CALN1: variants seen among roughly 807,000 people sequenced by gnomAD.
CALN1 encodes the protein calcium-binding protein 8.
CALN1 carries 17 observed loss-of-function variants against 30.6 expected under a neutral mutation model. That is an observed-to-expected ratio of 0.56 (90% CI 0.38 to 0.83). The LOEUF (loss-of-function observed/expected upper bound fraction) is 0.83, where lower values mean the gene tolerates loss of function less well. Among genes scored for constraint, CALN1 ranks in the 40% least tolerant of loss-of-function variants. The pLI, the probability that CALN1 is intolerant of heterozygous loss-of-function variation, is 0.00. For synonymous variants in CALN1, 156 were observed against 131.4 expected (o/e 1.19, Z -1.28); for missense variants, 291 against 354.9 (o/e 0.82, Z 1.45).
At chr7:72,141,194 A>G (rs375902075) in intron 3 of CALN1, among the ~76,000 whole-genome samples, 6 of 152,266 alleles carry the variant, frequency 3.9e-5, no homozygotes, top group East Asian at 3.9e-4. Context: ...GAAATTTGGG[A>G]GGCTGAGGTG....
the CALN1 span, among the ~76,000 whole-genome samples, chr7:72,457,102 G>A: frequency 6.1e-5 from 9 of 147,422 alleles, no homozygotes; most frequent in Non-Finnish European, 1.0e-4. Flanking sequence ...TCCACCTCCC[G>A]GGTTCAAGCG....
intron 2 of CALN1, among the ~76,000 whole-genome samples, chr7:72,359,187 A>G (rs935647993): frequency 2.0e-5 from 3 of 152,138 alleles, no homozygotes; most frequent in Non-Finnish European, 4.4e-5. Flanking sequence ...GCTAATTAGC[A>G]TAACGCTCTA....
At chr7:72,370,656 CAA>C (rs374531193) in intron 2 of CALN1, among the ~76,000 whole-genome samples, 12 of 100,826 alleles carry the variant, frequency 1.2e-4, no homozygotes, top group Admixed American at 1.0e-4. Context: ...GACTCCGTCT[CAA>C]AAAAAAAAAA....
At chr7:72,106,975 G>GAGAA (rs895019069) in intron 3 of CALN1, among the ~76,000 whole-genome samples, 7 of 149,890 alleles carry the variant, frequency 4.7e-5, no homozygotes, top group African/African-American at 9.8e-5. Context: ...GGGAGAAAGA[G>GAGAA]AGAAAGAAAG....
At chr7:71,806,245 CGCAT>C (rs1787601806) in intron 6 of CALN1, among the ~76,000 whole-genome samples, 1 of 149,732 alleles carries the variant, frequency 6.7e-6, no homozygotes, top group African/African-American at 2.5e-5. Context: ...CACATGTGCA[CGCAT>C]GCACACACAC....
chr7:72,460,554 C>T, the CALN1 span, among the ~76,000 whole-genome samples: 1 of 152,088 alleles, frequency 6.6e-6, no homozygotes, highest in Non-Finnish European at 1.5e-5. Context: ...ATCACTTGAA[C>T]CCTGGAGGTG....
At chr7:72,247,541 C>A (rs1378957326) in intron 3 of CALN1, among the ~76,000 whole-genome samples, 1 of 152,044 alleles carries the variant, frequency 6.6e-6, no homozygotes, top group Admixed American at 6.6e-5. Flanking sequence ...AGGCATGAGC[C>A]ACCGTGCCCG....
chr7:72,454,154 A>G, the CALN1 span, among the ~76,000 whole-genome samples: 1 of 152,162 alleles, frequency 6.6e-6, no homozygotes, highest in African/African-American at 2.4e-5. Flanking sequence ...GTAGGTTGTT[A>G]GGGAATTGGA....
intron 2 of CALN1, among the ~76,000 whole-genome samples, chr7:72,281,481 ATCTT>A (rs1797730271): frequency 6.6e-6 from 1 of 152,192 alleles, no homozygotes; most frequent in Non-Finnish European, 1.5e-5. Flanking sequence ...ACCAGCTGTT[ATCTT>A]AACATGTTTA....
At chr7:72,451,509 C>T (rs2129564729), upstream of CALN1, among the ~76,000 whole-genome samples, 1 of 152,068 alleles carries the variant, frequency 6.6e-6, no homozygotes, top group South Asian at 2.1e-4. Context: ...CTCCTGGGGC[C>T]CCTAGGGTCC....
chr7:71,928,190 G>A (rs958135956), intron 5 of CALN1, among the ~76,000 whole-genome samples: 2 of 152,126 alleles, frequency 1.3e-5, no homozygotes, highest in African/African-American at 4.8e-5. Context: ...GGTCCATGGA[G>A]AATACCCTGT....
chr7:72,304,139 G>A (rs375709768), intron 2 of CALN1, among the ~76,000 whole-genome samples: 4 of 152,348 alleles, frequency 2.6e-5, no homozygotes, highest in African/African-American at 9.6e-5. Context: ...TTCAGACTGG[G>A]AGGTCCAAAG....
intron 5 of CALN1, among the ~76,000 whole-genome samples, chr7:71,891,222 G>A (rs545041470): frequency 1.8e-4 from 28 of 152,192 alleles, no homozygotes; most frequent in East Asian, 1.7e-3. Flanking sequence ...TTAAAAATGC[G>A]ACAAAAGCAA....
chr7:72,361,408 A>G (rs1040205385), intron 2 of CALN1, among the ~76,000 whole-genome samples: 2 of 152,204 alleles, frequency 1.3e-5, no homozygotes, highest in Admixed American at 1.3e-4. Flanking sequence ...CAGGAGGCTG[A>G]GGCAGGAGCA....
In CALN1 at chr7:72,082,094, C is replaced by A. The variant is rs531583274; in HGVS notation, c.388+24057G>T. On this transcript the variant is annotated intron_variant, in intron 4 of 6. Transcript: ENST00000395275. ...CTCTGCCTCCTGGGTTCAAGCGATT[C>A]TCCAGCCTCAGCCTCCCGAGTAGCT... 9.9e-5 allele frequency among the ~76,000 whole-genome samples: 15 copies of A among 152,218 alleles called. 1 individual carries two copies. In the East Asian group the frequency reaches 2.9e-3, roughly 30 times the overall value.
chr7:71,863,516 C>T (rs893394202), intron 5 of CALN1, among the ~76,000 whole-genome samples: 4 of 137,698 alleles, frequency 2.9e-5, no homozygotes, highest in African/African-American at 1.1e-4. Context: ...TGAGTTCATG[C>T]CACTGCACTC....
At chr7:71,806,264 A>AAACACACACATG (rs1562795496) in intron 6 of CALN1, among the ~76,000 whole-genome samples, 4 of 137,982 alleles carry the variant, frequency 2.9e-5, no homozygotes, top group African/African-American at 1.2e-4. Flanking sequence ...ACACACACAC[A>AAACACACACATG]CACACAAACA....
At chr7:72,480,547 C>G in the CALN1 span, among the ~76,000 whole-genome samples, 1 of 151,920 alleles carries the variant, frequency 6.6e-6, no homozygotes, top group Non-Finnish European at 1.5e-5. Context: ...TTTCTAGGAG[C>G]GTTTGTGTGG....
chr7:72,191,044 T>C (rs1790560791), intron 3 of CALN1, among the ~76,000 whole-genome samples: 1 of 152,204 alleles, frequency 6.6e-6, no homozygotes, highest in Non-Finnish European at 1.5e-5. Flanking sequence ...GAACCAGGCA[T>C]GAAAAATGGC....
Sources: gnomAD v4.1 joint callset for allele counts (sites outside exome capture counted in the v4.1 genomes callset) on GRCh38, gnomAD v4.1.1 for gene constraint, MANE v1.5 for transcripts, NCBI Gene and HGNC (gene_info 2026-07-23, HGNC 2026-07-21) for gene names.